Variants in CDH8 observed in about 807,000 individuals in gnomAD.
CDH8 encodes cadherin 8.
A neutral mutation model predicts 68.1 loss-of-function variants in CDH8; 17 were observed. The observed-to-expected ratio is 0.25, with a 90% CI of 0.17 to 0.37. CDH8 has a LOEUF of 0.37. CDH8 is among the 10% of genes least tolerant of loss of function. The probability of loss-of-function intolerance (pLI) is 1.00; values close to 1 mark genes in which losing one functional copy is unlikely to be tolerated. For missense variants in CDH8, 763 were observed against 999.3 expected (o/e 0.76, Z 3.19); for synonymous variants, 372 against 365.1 (o/e 1.02, Z -0.21).
intron 10 of CDH8, among the ~76,000 whole-genome samples, chr16:61,698,142 C>A (rs1964361972): frequency 6.6e-6 from 1 of 152,224 alleles, no homozygotes; most frequent in African/African-American, 2.4e-5. Flanking sequence ...ACTCATTTAA[C>A]AGTCTCTCAC....
intron 1 of CDH8, among the ~76,000 whole-genome samples, chr16:62,034,851 T>C (rs922033529): frequency 2.0e-5 from 3 of 152,202 alleles, no homozygotes; most frequent in African/African-American, 4.8e-5. Context: ...CGGACTAATA[T>C]TGTGCGTTTG....
At chr16:61,877,791 G>C (rs1476130562) in intron 3 of CDH8, among the ~76,000 whole-genome samples, 1 of 152,006 alleles carries the variant, frequency 6.6e-6, no homozygotes, top group African/African-American at 2.4e-5. Context: ...AATGCACGGG[G>C]GAAAAATATT....
At chr16:61,757,968 G>A (rs897230716) in intron 8 of CDH8, among the ~76,000 whole-genome samples, 8 of 152,142 alleles carry the variant, frequency 5.3e-5, no homozygotes, top group Non-Finnish European at 1.0e-4. Context: ...CTTGAAGTAA[G>A]GTACTGCTGT....
At chr16:61,922,811 T>A (rs1293418145) in intron 2 of CDH8, among the ~76,000 whole-genome samples, 1 of 152,222 alleles carries the variant, frequency 6.6e-6, no homozygotes, top group Admixed American at 6.5e-5. Flanking sequence ...TTTTTAAAAC[T>A]CTAAAATTTA....
chr16:61,768,363 TCTCTCC>T (rs1960672238), intron 8 of CDH8, among the ~76,000 whole-genome samples: 49 of 104,566 alleles, frequency 4.7e-4, no homozygotes, highest in African/African-American at 8.1e-4. Flanking sequence ...TCTCTCTCTC[TCTCTCC>T]CTTTCTCTCT....
chr16:61,720,916 G>T (rs1184812455), intron 9 of CDH8, among the ~76,000 whole-genome samples: 1 of 150,540 alleles, frequency 6.6e-6, no homozygotes, highest in Non-Finnish European at 1.5e-5. Flanking sequence ...CCACAAGACT[G>T]GTTCAAATAA....
At chr16:61,861,862 GTTA>G (rs1392301127) in intron 3 of CDH8, among the ~76,000 whole-genome samples, 1 of 152,184 alleles carries the variant, frequency 6.6e-6, no homozygotes, top group Non-Finnish European at 1.5e-5. Flanking sequence ...GCACAGAAGA[GTTA>G]TTGACACTAC....
At chr16:61,782,239 C>G (rs1033232337) in intron 8 of CDH8, among the ~76,000 whole-genome samples, 9 of 151,972 alleles carry the variant, frequency 5.9e-5, no homozygotes, top group South Asian at 2.1e-4. Flanking sequence ...CGCGCACCGT[C>G]CGCGAGCCGA....
chr16:61,728,582 T>C (rs558251360), intron 8 of CDH8, among the ~76,000 whole-genome samples: 1 of 151,224 alleles, frequency 6.6e-6, no homozygotes, highest in East Asian at 2.0e-4. Context: ...CTAGTTTTGA[T>C]AGAAGGAAGA....
Position 61,652,136 on chromosome 16 carries a change from T to C in CDH8, c.*1472A>G, listed in dbSNP as rs1963335840. The C allele has an allele frequency of 6.1e-6, 6 of 975,716 alleles. No individual in the cohort carries two copies. In the South Asian group the frequency reaches 2.4e-4, roughly 38 times the overall value. 60.4% of individuals were successfully genotyped at this position (975,716 alleles called of 1,614,324 possible). A position where few individuals can be genotyped will look rare whatever the true frequency, so the allele number is the denominator to read the frequency against. On this transcript the variant is annotated 3_prime_UTR_variant, in exon 12 of 12. Coordinates refer to ENST00000577390, the MANE Select transcript of CDH8 (RefSeq NM_001796.5). ...GAAAATTAAAATGATCTGCATGTAA[T>C]ACTTGAGTTTTATCATACATTTTCT...
intron 3 of CDH8, among the ~76,000 whole-genome samples, chr16:61,871,053 T>C (rs186155783): frequency 6.6e-6 from 1 of 152,234 alleles, no homozygotes; most frequent in East Asian, 1.9e-4. Context: ...TCTATTCAAT[T>C]ACTGATGTGT....
At chr16:61,707,617 G>A (rs1460426297) in intron 10 of CDH8, among the ~76,000 whole-genome samples, 4 of 152,130 alleles carry the variant, frequency 2.6e-5, no homozygotes, top group African/African-American at 9.7e-5. Context: ...CACTTGGTAG[G>A]TGTTACTCAG....
At chr16:61,824,894 A>G (rs1962293920) in intron 5 of CDH8, 118 bp downstream of exon 5, 2 of 813,372 alleles carry the variant, frequency 2.5e-6, no homozygotes, top group Non-Finnish European at 3.9e-6. Context: ...CATACCTGGC[A>G]CATAATAAGC....
At chr16:61,661,214 CAAGGTAG>C (rs1179023973) in intron 10 of CDH8, among the ~76,000 whole-genome samples, 2 of 151,890 alleles carry the variant, frequency 1.3e-5, no homozygotes, top group Non-Finnish European at 2.9e-5. Flanking sequence ...AGGCAGAAAT[CAAGGTAG>C]AAGGTAGAAG....
intron 8 of CDH8, among the ~76,000 whole-genome samples, chr16:61,738,775 A>ATACAAATG (rs1429411419): frequency 6.6e-6 from 1 of 152,082 alleles, no homozygotes; most frequent in East Asian, 1.9e-4. Flanking sequence ...TATACCGTGC[A>ATACAAATG]TACAAATGTC....
intron 8 of CDH8, among the ~76,000 whole-genome samples, chr16:61,764,041 A>G (rs1406834168): frequency 6.6e-6 from 1 of 152,162 alleles, no homozygotes; most frequent in African/African-American, 2.4e-5. Context: ...GAATGAATTA[A>G]TATGTCTACT....
Position 61,653,730 on chromosome 16 carries a change from T to C in CDH8, c.2278A>G (p.Ser760Gly), listed in dbSNP as rs1186732457. 4 of 1,614,066 alleles carry C rather than the reference T, an allele frequency of 2.5e-6. No homozygotes were observed. In the Admixed American group the frequency reaches 5.0e-5, roughly 20 times the overall value. Residue 760 changes from serine (S) to glycine (G), a missense_variant, in exon 12 of 12, where the codon AGC becomes GGC. Ser to Gly is a moderately conservative substitution (Grantham distance 56). Coordinates refer to ENST00000577390, the MANE Select transcript of CDH8 (RefSeq NM_001796.5). ...EGRGSVAGSLSSLESTTSDSD... is the reference protein window; with the variant it reads ...EGRGSVAGSLGSLESTTSDSD... ...TCTGATGTGGTGGACTCCAAGGAGC[T>C]GAGGGAGCCAGCCACTGACCCTCGG...
intron 3 of CDH8, among the ~76,000 whole-genome samples, chr16:61,860,859 A>G (rs955010854): frequency 6.6e-6 from 1 of 152,314 alleles, no homozygotes; most frequent in African/African-American, 2.4e-5. Flanking sequence ...GTGTTGTTTT[A>G]TTTATGCACA....
At chr16:61,963,192 T>C (rs1327223920) in intron 2 of CDH8, among the ~76,000 whole-genome samples, 1 of 152,240 alleles carries the variant, frequency 6.6e-6, no homozygotes, top group African/African-American at 2.4e-5. Context: ...AAGCAAGGAA[T>C]GATAAGGCAT....
Sources: allele counts gnomAD v4.1 joint callset (sites outside exome capture counted in the v4.1 genomes callset), GRCh38; gene constraint gnomAD v4.1.1; transcripts MANE v1.5; gene names NCBI Gene and HGNC (gene_info 2026-07-23, HGNC 2026-07-21).